The following RORB variants were observed in gnomAD, a reference collection of about 807,000 sequenced individuals.
RORB encodes nuclear receptor ROR-beta.
Under a neutral mutation model 59.1 loss-of-function variants are expected in RORB, and 6 were observed. The observed-to-expected ratio is 0.10, with a 90% CI of 0.06 to 0.20. RORB has a LOEUF of 0.20. Ranked by LOEUF, RORB falls within the 10% of genes least tolerant of loss-of-function variation. The pLI is 1.00. For missense variants in RORB, 320 were observed against 560.5 expected, an observed-to-expected ratio of 0.57 and a Z score of 4.33; for synonymous variants, 215 against 204.5, an observed-to-expected ratio of 1.05 and a Z score of -0.44.
chr9:74,513,739 C>A (rs957307311), intron 1 of RORB, among the ~76,000 whole-genome samples: 2 of 151,990 alleles, frequency 1.3e-5, no homozygotes, highest in African/African-American at 4.8e-5. Flanking sequence ...AGAGTTTATA[C>A]ATTTTCTTTT....
chr9:74,504,776 G>A (rs1239829205), intron 1 of RORB, among the ~76,000 whole-genome samples: 1 of 151,940 alleles, frequency 6.6e-6, no homozygotes, highest in African/African-American at 2.4e-5. Context: ...TTGGCACTGT[G>A]GAGTATATGA....
chr9:74,545,877 G>A (rs1826478940), intron 1 of RORB, among the ~76,000 whole-genome samples: 1 of 152,038 alleles, frequency 6.6e-6, no homozygotes, highest in African/African-American at 2.4e-5. Context: ...CTTTCGTAGA[G>A]CCTTTAAATC....
intron 1 of RORB, among the ~76,000 whole-genome samples, chr9:74,562,275 ATAT>A (rs1822407414): frequency 6.6e-6 from 1 of 152,168 alleles, no homozygotes; most frequent in Non-Finnish European, 1.5e-5. Context: ...ATATGCTCAA[ATAT>A]TATTCTTGGT....
chr9:74,617,530 A>C (rs2118374525), intron 1 of RORB, among the ~76,000 whole-genome samples: 1 of 152,300 alleles, frequency 6.6e-6, no homozygotes, highest in African/African-American at 2.4e-5. Context: ...AATATAAGAT[A>C]TCTCGGGTCC....
intron 1 of RORB, among the ~76,000 whole-genome samples, chr9:74,606,265 T>A (rs1314357474): frequency 1.3e-5 from 2 of 152,236 alleles, no homozygotes; most frequent in Non-Finnish European, 2.9e-5. Flanking sequence ...GCATGATATA[T>A]TTGCCTTTGG....
intron 1 of RORB, among the ~76,000 whole-genome samples, chr9:74,589,450 A>G (rs1319217062): frequency 1.3e-5 from 2 of 152,198 alleles, no homozygotes; most frequent in Non-Finnish European, 2.9e-5. Context: ...CCAGAACTGG[A>G]TACAAAATCC....
Position 74,667,844 on chromosome 9 carries a change from T to C in RORB, c.1054T>C (p.Leu352=), listed in dbSNP as rs1378714332. Residue 352 remains leucine (L), a synonymous_variant, in exon 8 of 10, where the codon TTG becomes CTG. Coordinates refer to ENST00000376896, the MANE Select transcript of RORB (RefSeq NM_006914.4). ...TGACTTTGCAAAGAATTTGTGTTCC[T>C]TGCAGCTGACCGAGGAGGAGATCGC... The part of the protein sequence containing the change: ...AFDFAKNLCS[L]QLTEEEIALF... 6.2e-7 allele frequency: 1 copy of C among 1,613,932 alleles called. No homozygotes were observed. Among genetic ancestry groups the C allele is most frequent in the Non-Finnish European group, 8.5e-7 (1 of 1,179,810 alleles).
chr9:74,530,429 G>A (rs1227918879), intron 1 of RORB, among the ~76,000 whole-genome samples: 7 of 151,950 alleles, frequency 4.6e-5, no homozygotes, highest in Non-Finnish European at 8.8e-5. Flanking sequence ...AAGTAGAACT[G>A]GCCATATGGC....
intron 2 of RORB, among the ~76,000 whole-genome samples, chr9:74,632,868 C>A (rs993210634): frequency 2.0e-5 from 3 of 152,152 alleles, no homozygotes; most frequent in African/African-American, 7.2e-5. Flanking sequence ...TGGGAGCTTA[C>A]GTTTGATCTC....
intron 1 of RORB, among the ~76,000 whole-genome samples, chr9:74,583,614 A>C (rs1176274751): frequency 1.3e-5 from 2 of 151,952 alleles, no homozygotes; most frequent in African/African-American, 4.8e-5. Flanking sequence ...ACAGATTTCC[A>C]AAAGTTACCC....
At chr9:74,611,026 TC>T (rs1313279656) in intron 1 of RORB, among the ~76,000 whole-genome samples, 3 of 152,290 alleles carry the variant, frequency 2.0e-5, no homozygotes, top group East Asian at 3.9e-4. Flanking sequence ...ATCCCTCATT[TC>T]CCCCTGAATC....
intron 9 of RORB, among the ~76,000 whole-genome samples, chr9:74,678,049 G>A (rs139112156): frequency 7.4e-4 from 112 of 152,294 alleles, no homozygotes; most frequent in Non-Finnish European, 5.4e-4. Flanking sequence ...AAAGAATGGC[G>A]AAAGTTGAAA....
At chr9:74,526,018 T>C (rs1437104061) in intron 1 of RORB, among the ~76,000 whole-genome samples, 1 of 151,988 alleles carries the variant, frequency 6.6e-6, no homozygotes, top group Non-Finnish European at 1.5e-5. Flanking sequence ...GAATCTAATT[T>C]ACAGCTTCTT....
intron 1 of RORB, among the ~76,000 whole-genome samples, chr9:74,580,764 A>G (rs1822710583): frequency 6.6e-6 from 1 of 152,206 alleles, no homozygotes; most frequent in Non-Finnish European, 1.5e-5. Context: ...CCAATGTTTT[A>G]TAGTGATGTC....
At chr9:74,565,622 T>C (rs1267115740) in intron 1 of RORB, among the ~76,000 whole-genome samples, 1 of 152,216 alleles carries the variant, frequency 6.6e-6, no homozygotes, top group African/African-American at 2.4e-5. Context: ...AAATTATTTA[T>C]CTTTACATTT....
chr9:74,556,117 T>G (rs1822287655), intron 1 of RORB, among the ~76,000 whole-genome samples: 1 of 152,238 alleles, frequency 6.6e-6, no homozygotes, highest in Admixed American at 6.5e-5. Flanking sequence ...TGATATAACA[T>G]AATTATTGTT....
rs544342307 is a variant in RORB, at chr9:74,662,460, C to G, written c.760-14C>G. 1.2e-6 allele frequency: 2 copies of G among 1,613,612 alleles called. No individual in the cohort carries two copies. Among genetic ancestry groups the G allele is most frequent in the Admixed American group, 3.3e-5 (2 of 60,014 alleles). On this transcript the variant is annotated splice_polypyrimidine_tract_variant and intron_variant, in intron 5 of 9. Coordinates refer to ENST00000376896, the MANE Select transcript of RORB (RefSeq NM_006914.4). ...CGTTTGCCCTATTTACATTCTGTGT[C>G]TTCTCTCCTCAAGTCCAGGGAAGCA... is the stretch of plus-strand genomic sequence containing the variant.
At chr9:74,619,007 C>T (rs556433320) in intron 1 of RORB, among the ~76,000 whole-genome samples, 1 of 152,138 alleles carries the variant, frequency 6.6e-6, no homozygotes, top group Admixed American at 6.5e-5. Context: ...TCATATGATT[C>T]GACTTGATAT....
At position 74,688,304 on chromosome 9, in the gene RORB, A is replaced by G. The variant is rs1189550148; in HGVS notation, c.*2686A>G. 1 of 152,164 alleles carries G rather than the reference A, an allele frequency of 6.6e-6. No homozygotes were observed. The highest frequency in any genetic ancestry group is 1.5e-5 in the Non-Finnish European group (1 of 68,036). The allele number at this position is 152,164 out of a possible 1,614,324, so 9.4% of individuals were successfully genotyped here. ...TTCTAGTTTGGGTTACAGTTGCCCA[A>G]CCTTCCCTTTAAAGAGAATCCAGTC... On this transcript the variant is annotated 3_prime_UTR_variant, in exon 10 of 10. Transcript: ENST00000376896.
Sources: gnomAD v4.1 joint callset for allele counts (sites outside exome capture counted in the v4.1 genomes callset) on GRCh38, gnomAD v4.1.1 for gene constraint, MANE v1.5 for transcripts, NCBI Gene and HGNC (gene_info 2026-07-23, HGNC 2026-07-21) for gene names.